VSIG4: variants seen among roughly 807,000 people sequenced by gnomAD.
The protein encoded by VSIG4 is V-set and immunoglobulin domain-containing protein 4.
In VSIG4, 34 loss-of-function variants were observed where a neutral mutation model predicts 23.4. The observed-to-expected ratio is 1.45, with a 90% CI of 1.10 to 1.93. The LOEUF (loss-of-function observed/expected upper bound fraction) is 1.93, where lower values mean the gene tolerates loss of function less well. VSIG4 is among the 30% of genes most tolerant of loss of function. The pLI, the probability that VSIG4 is intolerant of heterozygous loss-of-function variation, is 0.00. For synonymous variants in VSIG4, 169 were observed against 120.3 expected, an observed-to-expected ratio of 1.41 and a Z score of -2.65; for missense variants, 433 against 310.8, an observed-to-expected ratio of 1.39 and a Z score of -2.96.
In VSIG4 at chrX:66,039,968, C is replaced by T. The variant is rs199904204; in HGVS notation, c.31G>A (p.Gly11Arg). 434 of 1,210,016 alleles carry T rather than the reference C, an allele frequency of 3.6e-4. 1 individual carries two copies. The highest frequency in any genetic ancestry group is 2.3e-4 in the Middle Eastern group (1 of 4,369). ...CCATAAGTGTCCACTGTTAGGTGCC[C>T]CAGGAGTAGCAGGCCCAGTAAGATC... MGILLGLLLL[G>R]HLTVDTYGRP... The change falls in exon 1 of 8, where the codon GGG (glycine) becomes AGG (arginine). Residue 11 changes from glycine to arginine, a missense_variant. Gly to Arg is a moderately radical substitution (Grantham distance 125). Transcript: ENST00000374737.
intron 3 of VSIG4, among the ~76,000 whole-genome samples, chrX:66,030,515 A>G (rs1407043345): frequency 1.8e-5 from 2 of 111,060 alleles, no homozygotes; most frequent in Non-Finnish European, 3.8e-5. Context: ...AGAGTTCAGG[A>G]GGAGGGGCTT....
At chrX:66,031,764 A>G (rs941963409) in intron 3 of VSIG4, among the ~76,000 whole-genome samples, 3 of 111,525 alleles carry the variant, frequency 2.7e-5, no homozygotes, top group Non-Finnish European at 5.6e-5. Flanking sequence ...CATAGTTTGT[A>G]GTGCTCCCAG....
intron 3 of VSIG4, among the ~76,000 whole-genome samples, chrX:66,028,560 T>C (rs1260397371): frequency 2.0e-5 from 1 of 50,968 alleles, no homozygotes; most frequent in Non-Finnish European, 3.1e-5. Context: ...GTAATCAACT[T>C]TTTTTTTTTT....
chrX:66,026,965 G>T (rs939222767), intron 5 of VSIG4, among the ~76,000 whole-genome samples: 2 of 111,460 alleles, frequency 1.8e-5, no homozygotes, highest in East Asian at 5.6e-4. Flanking sequence ...ACTATCAGAT[G>T]CAGGTGAAAC....
chrX:66,030,693 T>G (rs1470720087), intron 3 of VSIG4, among the ~76,000 whole-genome samples: 1 of 111,162 alleles, frequency 9.0e-6, no homozygotes, highest in African/African-American at 3.3e-5. Flanking sequence ...GCTGGGGGCC[T>G]GAAATAAGGT....
chrX:66,024,970 A>G (rs950712739), intron 6 of VSIG4, 55 bp downstream of exon 6: 4 of 907,826 alleles, frequency 4.4e-6, no homozygotes, highest in Non-Finnish European at 6.1e-6. Context: ...AGGCTCAAGT[A>G]TACTGACAGA....
rs1230126463 is a variant in VSIG4, at chrX:66,032,541, G to A, written c.621C>T (p.Gly207=). ...LFKPAVIADS[G]SYFCTAKGQV... ...GGCCCTTGGCAGTGCAGAAATAGGA[G>A]CCTGAGTCGGCTATCACCGCAGGCT... Residue 207 remains glycine, a synonymous_variant, in exon 3 of 8, where the codon GGC becomes GGT. Transcript: ENST00000374737. The A allele has an allele frequency of 9.9e-6, 12 of 1,211,711 alleles. No homozygotes were observed. In the East Asian group the frequency reaches 2.7e-4, roughly 27 times the overall value.
At chrX:66,036,643 T>A (rs1241805661) in intron 1 of VSIG4, among the ~76,000 whole-genome samples, 2 of 70,464 alleles carry the variant, frequency 2.8e-5, no homozygotes, top group African/African-American at 1.1e-4. Context: ...TAGATAATAT[T>A]TTAATAATAT....
chrX:66,025,072 A>G lies in VSIG4; in HGVS notation c.893T>C (p.Val298Ala). The change falls in exon 6 of 8, where the codon GTT becomes GCT. Residue 298 changes from valine to alanine, a missense_variant. Val to Ala is a moderately conservative substitution (Grantham distance 64). Coordinates refer to ENST00000374737, the MANE Select transcript of VSIG4 (RefSeq NM_007268.3). ...GAGCATGATATAGGCCATGGTAAAA[A>G]CCACCATACAGCACAAGGAGATGAT... ...ILIISLCCMV[V>A]FTMAYIMLCR... 4.1e-6 allele frequency: 5 copies of G among 1,206,657 alleles called. No individual in the cohort carries two copies. The Admixed American group carries it at 8.8e-5, about 21-fold the overall frequency.
intron 1 of VSIG4, among the ~76,000 whole-genome samples, 169 bp from the exon 2 acceptor site, chrX:66,033,999 A>G (rs979914110): frequency 1.8e-5 from 2 of 111,972 alleles, no homozygotes; most frequent in Non-Finnish European, 3.8e-5. Context: ...CTTCTCATCA[A>G]TCAGAACCAG....
At chrX:66,025,246 C>T (rs1030583535) in intron 5 of VSIG4, 117 bp from the exon 6 acceptor site, 1 of 462,910 alleles carries the variant, frequency 2.2e-6, no homozygotes. Context: ...CCATATTCTC[C>T]TAACCTTCTT....
rs1332703059 is a variant in VSIG4 at position 66,022,047 on chromosome X, G to T, written c.*216C>A. ...AGGAGTACCAGAAGCCCCCGGCAGA[G>T]ATACTAGAAGGGCCCAGAGCCAAAT... On this transcript the variant is annotated 3_prime_UTR_variant, in exon 8 of 8. Coordinates refer to ENST00000374737, the MANE Select transcript of VSIG4 (RefSeq NM_007268.3). 1.7e-6 allele frequency: 2 copies of T among 1,158,767 alleles called. No homozygotes were observed. Among genetic ancestry groups the T allele is most frequent in the African/African-American group, 1.8e-5 (1 of 55,507 alleles).
intron 3 of VSIG4, among the ~76,000 whole-genome samples, chrX:66,031,474 G>A (rs1030075727): frequency 9.1e-6 from 1 of 109,936 alleles, no homozygotes; most frequent in Admixed American, 9.7e-5. Context: ...AAACACAAGA[G>A]TCTCAAACCA....
At chrX:66,028,133 A>G (rs1186038961) in intron 3 of VSIG4, 21 bp from the exon 4 acceptor site, 1 of 1,188,268 alleles carries the variant, frequency 8.4e-7, no homozygotes, top group Non-Finnish European at 1.1e-6. Flanking sequence ...AAGGGAACCG[A>G]TTGAAGGGAC....
At chrX:66,024,181 A>G (rs1366483291) in intron 6 of VSIG4, among the ~76,000 whole-genome samples, 4 of 112,361 alleles carry the variant, frequency 3.6e-5, no homozygotes, top group African/African-American at 9.7e-5. Context: ...AGAGACAGCT[A>G]GTATTTTTTT....
intron 6 of VSIG4, among the ~76,000 whole-genome samples, chrX:66,023,936 C>T (rs764624748): frequency 1.7e-4 from 19 of 112,320 alleles, no homozygotes; most frequent in Non-Finnish European, 3.4e-4. Flanking sequence ...CATTTTAGTG[C>T]CCCTGGGGTT....
In VSIG4 at chrX:66,022,358, T is replaced by C; in HGVS notation, c.1105A>G (p.Ile369Val). 5.8e-6 allele frequency: 7 copies of C among 1,212,225 alleles called. No homozygotes were observed. The highest frequency in any genetic ancestry group is 7.8e-6 in the Non-Finnish European group (7 of 895,597). Residue 369 changes from isoleucine (I) to valine (V), a missense_variant, in exon 8 of 8, where the codon ATC (isoleucine) becomes GTC (valine). Transcript: ENST00000374737. ...DEPCIGQEYQIIAQINGNYAR... is the reference protein window; with the variant it reads ...DEPCIGQEYQVIAQINGNYAR... ...TAGTTGCCATTGATCTGGGCGATGA[T>C]CTGGTACTCCTGTCCTATGCAGGGC... is the stretch of plus-strand genomic sequence containing the variant.
intron 3 of VSIG4, among the ~76,000 whole-genome samples, chrX:66,029,889 A>T (rs867153114): frequency 2.9e-4 from 32 of 111,508 alleles, no homozygotes; most frequent in African/African-American, 8.9e-4. Context: ...GTCAGGAAAA[A>T]ATAAATACAG....
chrX:66,035,308 T>G (rs2085523172), intron 1 of VSIG4, among the ~76,000 whole-genome samples: 1 of 112,093 alleles, frequency 8.9e-6, no homozygotes, highest in Non-Finnish European at 1.9e-5. Context: ...GGGGCAGATT[T>G]TGGTTTGCTC....
Sources: allele counts gnomAD v4.1 joint callset (sites outside exome capture counted in the v4.1 genomes callset), GRCh38; gene constraint gnomAD v4.1.1; transcripts MANE v1.5; gene names NCBI Gene and HGNC (gene_info 2026-07-23, HGNC 2026-07-21).